Variants in GRID1 observed in about 807,000 individuals in gnomAD.
GRID1 encodes the protein glutamate ionotropic receptor delta type subunit 1, also known as glutamate receptor ionotropic, delta-1.
Under a neutral mutation model 98.0 loss-of-function variants are expected in GRID1, and 28 were observed. The ratio of observed to expected loss-of-function variants is 0.29; its 90% CI spans 0.21 to 0.39. The LOEUF (loss-of-function observed/expected upper bound fraction) is 0.39, where lower values mean the gene tolerates loss of function less well. Ranked by LOEUF, GRID1 falls within the 10% of genes least tolerant of loss-of-function variation. The pLI is 1.00. For missense variants in GRID1, 1,111 were observed against 1,340.5 expected (o/e 0.83, Z 2.67); for synonymous variants, 553 against 538.5 (o/e 1.03, Z -0.37).
chr10:85,691,917 G>A (rs1841337476), intron 12 of GRID1, among the ~76,000 whole-genome samples: 1 of 152,030 alleles, frequency 6.6e-6, no homozygotes, highest in Admixed American at 6.6e-5. Context: ...CACCTCAGAG[G>A]TTTCTGCAGT....
intron 3 of GRID1, among the ~76,000 whole-genome samples, chr10:86,176,499 C>T (rs1031240553): frequency 5.3e-5 from 8 of 152,198 alleles, no homozygotes; most frequent in Non-Finnish European, 1.0e-4. Flanking sequence ...TGTGCATGCG[C>T]TGAGAGCTAA....
At chr10:86,207,621 G>A (rs1020401787) in intron 2 of GRID1, among the ~76,000 whole-genome samples, 20 of 143,960 alleles carry the variant, frequency 1.4e-4, no homozygotes, top group African/African-American at 5.1e-4. Flanking sequence ...AGAAGCAGAT[G>A]CAGTTTCTTT....
At chr10:86,194,708 T>A (rs1262409730) in intron 3 of GRID1, among the ~76,000 whole-genome samples, 1 of 151,998 alleles carries the variant, frequency 6.6e-6, no homozygotes, top group African/African-American at 2.4e-5. Flanking sequence ...ATCTTCCCAC[T>A]CCCCTTAGAA....
intron 4 of GRID1, among the ~76,000 whole-genome samples, chr10:86,069,055 G>A (rs922496978): frequency 3.3e-5 from 5 of 152,084 alleles, no homozygotes; most frequent in Admixed American, 6.5e-5. Context: ...GGAAGGGGGA[G>A]TATATGCAGA....
intron 4 of GRID1, among the ~76,000 whole-genome samples, chr10:86,002,220 C>G (rs1450262258): frequency 6.6e-6 from 1 of 152,208 alleles, no homozygotes; most frequent in East Asian, 1.9e-4. Flanking sequence ...TGATACAATT[C>G]AACCTAAAAT....
At chr10:86,181,939 T>C (rs528029945) in intron 3 of GRID1, among the ~76,000 whole-genome samples, 8 of 152,284 alleles carry the variant, frequency 5.3e-5, no homozygotes, top group African/African-American at 1.9e-4. Context: ...AGGTACACAA[T>C]AAATACTCAT....
chr10:85,821,154 T>TA (rs892507767), intron 8 of GRID1, among the ~76,000 whole-genome samples: 129 of 146,216 alleles, frequency 8.8e-4, no homozygotes, highest in Middle Eastern at 3.6e-3. Context: ...GAAGAAAGAG[T>TA]AAAAAAAAAG....
chr10:86,146,496 T>A (rs545043054), intron 3 of GRID1, among the ~76,000 whole-genome samples: 2 of 152,300 alleles, frequency 1.3e-5, no homozygotes, highest in African/African-American at 4.8e-5. Flanking sequence ...GTCTGCCATT[T>A]CCAAGGGAAC....
intron 13 of GRID1, chr10:85,645,601 T>C (rs1176483533): frequency 6.6e-6 from 1 of 152,240 alleles, no homozygotes; most frequent in Non-Finnish European, 1.5e-5. Context: ...AAATGGAAAG[T>C]TGCCCAGGTC....
At chr10:86,204,825 C>T (rs1846002960) in intron 3 of GRID1, among the ~76,000 whole-genome samples, 1 of 152,200 alleles carries the variant, frequency 6.6e-6, no homozygotes, top group Non-Finnish European at 1.5e-5. Flanking sequence ...CTGGCAGTGT[C>T]CATGCCTCTC....
intron 3 of GRID1, among the ~76,000 whole-genome samples, chr10:86,150,144 T>A (rs1284296139): frequency 6.6e-6 from 1 of 152,236 alleles, no homozygotes. Flanking sequence ...GGATGAGGAA[T>A]TGGCATGGCA....
At chr10:86,000,399 C>A (rs12765460) in intron 4 of GRID1, among the ~76,000 whole-genome samples, 9,807 of 152,142 alleles carry the variant, frequency 0.064, 382 homozygotes, top group Non-Finnish European at 0.091. Flanking sequence ...AACAAAATCC[C>A]AAGAGGATTT....
At chr10:86,220,077 C>T (rs1394894896) in intron 2 of GRID1, among the ~76,000 whole-genome samples, 1 of 152,210 alleles carries the variant, frequency 6.6e-6, no homozygotes, top group Non-Finnish European at 1.5e-5. Context: ...GAAAATATAG[C>T]CACTGGCACA....
At chr10:85,699,317 G>C (rs1841427360) in intron 12 of GRID1, among the ~76,000 whole-genome samples, 1 of 152,176 alleles carries the variant, frequency 6.6e-6, no homozygotes, top group Non-Finnish European at 1.5e-5. Flanking sequence ...GCCTCCTAAA[G>C]TGTTGGGACT....
intron 2 of GRID1, among the ~76,000 whole-genome samples, chr10:86,228,472 G>A (rs58756400): frequency 0.28 from 43,240 of 152,044 alleles, 7,001 homozygotes; most frequent in Non-Finnish European, 0.38. Context: ...ATAGCTTTGC[G>A]CAGCCTGCAG....
At chr10:86,021,265 A>C (rs1272306133) in intron 4 of GRID1, among the ~76,000 whole-genome samples, 2 of 152,112 alleles carry the variant, frequency 1.3e-5, no homozygotes, top group Non-Finnish European at 2.9e-5. Context: ...ATCTCAGGAG[A>C]GACTCCTTGG....
intron 12 of GRID1, among the ~76,000 whole-genome samples, chr10:85,670,877 G>C (rs527545403): frequency 6.6e-6 from 1 of 152,226 alleles, no homozygotes; most frequent in Non-Finnish European, 1.5e-5. Flanking sequence ...TAGATGGTTT[G>C]CCACTCCTCC....
chr10:86,174,273 G>A (rs1845540593), intron 3 of GRID1, among the ~76,000 whole-genome samples: 2 of 151,982 alleles, frequency 1.3e-5, no homozygotes, highest in African/African-American at 4.8e-5. Flanking sequence ...AAAACAGCAT[G>A]GTACTGGTAC....
chr10:85,729,656 C>T (rs749587541), intron 8 of GRID1, 42 bp from the exon 9 acceptor site: 3 of 1,239,598 alleles, frequency 2.4e-6, no homozygotes, highest in African/African-American at 1.5e-5. Context: ...GGAACTGGCA[C>T]CCGTGCACAC....
Sources: gnomAD v4.1 joint callset for allele counts (sites outside exome capture counted in the v4.1 genomes callset) on GRCh38, gnomAD v4.1.1 for gene constraint, MANE v1.5 for transcripts, NCBI Gene and HGNC (gene_info 2026-07-23, HGNC 2026-07-21) for gene names.